The following SUMF1 variants were observed in gnomAD, a reference collection of about 807,000 sequenced individuals.
The protein encoded by SUMF1 is formylglycine-generating enzyme.
A neutral mutation model predicts 47.6 loss-of-function variants in SUMF1; 48 were observed. That is an observed-to-expected ratio of 1.01 (90% CI 0.80 to 1.28). SUMF1 has a LOEUF of 1.28. Ranked by LOEUF, SUMF1 falls within the 50% of genes most tolerant of loss-of-function variation. The pLI, the probability that SUMF1 is intolerant of heterozygous loss-of-function variation, is 0.00. For synonymous variants in SUMF1, 230 were observed against 192.1 expected (o/e 1.20, Z -1.63); for missense variants, 571 against 485.4 (o/e 1.18, Z -1.66).
chr3:4,149,969 A>G (rs911069175), intron 8 of SUMF1, among the ~76,000 whole-genome samples: 1 of 152,188 alleles, frequency 6.6e-6, no homozygotes, highest in Non-Finnish European at 1.5e-5. Context: ...TTTAAATTTT[A>G]GCCTCTGGAG....
At chr3:4,233,891 T>C (rs1696353596) in intron 8 of SUMF1, among the ~76,000 whole-genome samples, 1 of 152,138 alleles carries the variant, frequency 6.6e-6, no homozygotes, top group Admixed American at 6.6e-5. Flanking sequence ...TAAATATTCA[T>C]TTGTACCCAG....
In SUMF1 at chr3:4,158,490, T is replaced by A. The variant is rs375893913; in HGVS notation, c.1015-89745A>T. The stretch of plus-strand genomic sequence containing the variant: ...ATTTGTTCTATAAGTACAAATTAAG[T>A]ACAATGTTTTTGTTGATTTTCTGTC... On this transcript the variant is annotated intron_variant and NMD_transcript_variant, in intron 8 of 12. Coordinates refer to the SUMF1 transcript ENST00000448413. Among the ~76,000 whole-genome samples, 881 of 151,714 alleles carry A rather than the reference T, an allele frequency of 5.8e-3. 23 individuals carry two copies. The highest frequency in any genetic ancestry group is 0.031 in the Middle Eastern group (9 of 294).
Position 4,402,393 on chromosome 3 carries a change from A to G in SUMF1, c.954+8472T>C, listed in dbSNP as rs571581064. 7.9e-5 allele frequency among the ~76,000 whole-genome samples: 12 copies of G among 152,312 alleles called. No individual in the cohort carries two copies. The East Asian group carries it at 2.1e-3, about 27-fold the overall frequency. ...CCAAGGCTCTACCTCAATCATATCCATAACAAATCTTAGCATAGTGCATCT... is the reference window on the plus strand; with the variant it reads ...CCAAGGCTCTACCTCAATCATATCCGTAACAAATCTTAGCATAGTGCATCT... On this transcript the variant is annotated intron_variant, in intron 7 of 8. Coordinates refer to ENST00000272902, the MANE Select transcript of SUMF1 (RefSeq NM_182760.4).
chr3:4,254,917 T>C (rs1029114230), intron 8 of SUMF1, among the ~76,000 whole-genome samples: 2 of 152,164 alleles, frequency 1.3e-5, no homozygotes, highest in East Asian at 1.9e-4. Context: ...GCGGATCTCT[T>C]GGCAGAAACC....
intron 8 of SUMF1, among the ~76,000 whole-genome samples, chr3:4,121,372 T>C (rs1693536639): frequency 6.6e-6 from 1 of 152,166 alleles, no homozygotes; most frequent in Admixed American, 6.5e-5. Context: ...TTCCACGCAT[T>C]ATTCTTGGAT....
intron 8 of SUMF1, among the ~76,000 whole-genome samples, chr3:4,101,158 T>A (rs187544152): frequency 1.3e-5 from 2 of 151,366 alleles, no homozygotes; most frequent in East Asian, 3.9e-4. Context: ...CCCAGGGGAA[T>A]TGAAATCAGT....
intron 8 of SUMF1, among the ~76,000 whole-genome samples, chr3:4,148,730 T>C (rs201021065): frequency 6.6e-6 from 1 of 152,142 alleles, no homozygotes; most frequent in Non-Finnish European, 1.5e-5. Context: ...ATGGACCACA[T>C]TTGATCCACA....
chr3:4,192,947 G>A lies in SUMF1; in HGVS notation c.1015-124202C>T, dbSNP rs112842648. Reference sequence around the variant, plus strand: ...GACATGTAAGAACAATGTCTGCCACGTAAGAATATTTAATACACATTAGCT... The same window carrying A: ...GACATGTAAGAACAATGTCTGCCACATAAGAATATTTAATACACATTAGCT... On this transcript the variant is annotated intron_variant and NMD_transcript_variant, in intron 8 of 12. Transcript: ENST00000448413. Among the ~76,000 whole-genome samples, 68 of 152,252 alleles carry A rather than the reference G, an allele frequency of 4.5e-4. 4 individuals are homozygous for A. The highest frequency in any genetic ancestry group is 1.5e-3 in the African/African-American group (62 of 41,566).
chr3:4,310,899 A>T (rs143102780), intron 8 of SUMF1, among the ~76,000 whole-genome samples: 2 of 152,334 alleles, frequency 1.3e-5, no homozygotes, highest in African/African-American at 2.4e-5. Flanking sequence ...TTTTACAAGT[A>T]CTTTTTAAAA....
At chr3:4,164,791 A>G (rs994392286) in intron 8 of SUMF1, among the ~76,000 whole-genome samples, 5 of 152,102 alleles carry the variant, frequency 3.3e-5, no homozygotes, top group African/African-American at 9.7e-5. Flanking sequence ...CTTTCTCCTG[A>G]TATCTGTGCC....
intron 1 of SUMF1, among the ~76,000 whole-genome samples, chr3:4,455,833 T>A (rs1324175401): frequency 6.6e-6 from 1 of 152,140 alleles, no homozygotes; most frequent in Non-Finnish European, 1.5e-5. Context: ...AATTCTTCCA[T>A]AAAATTGAAG....
chr3:4,418,027 T>A lies in SUMF1; in HGVS notation c.708A>T (p.Arg236=). 1.9e-6 allele frequency: 3 copies of A among 1,614,014 alleles called. No homozygotes were observed. Among genetic ancestry groups the A allele is most frequent in the South Asian group, 1.1e-5 (1 of 91,066 alleles). Residue 236 remains arginine, a synonymous_variant, in exon 5 of 9, where the codon CGA becomes CGT. Transcript: ENST00000272902. The part of the protein sequence containing the change: ...PTEAEWEYSC[R]GGLHNRLFPW... ...CTAAATACCTATTATGCAGGCCTCC[T>A]CGACAGCTGTATTCCCACTCAGCTT...
intron 7 of SUMF1, among the ~76,000 whole-genome samples, chr3:4,383,158 C>A (rs180759047): frequency 2.0e-5 from 3 of 152,122 alleles, no homozygotes; most frequent in Admixed American, 6.5e-5. Context: ...GCAGACGGAT[C>A]ACTGGAGGTC....
intron 8 of SUMF1, among the ~76,000 whole-genome samples, chr3:4,251,630 T>C (rs1005971314): frequency 3.3e-5 from 5 of 152,188 alleles, no homozygotes; most frequent in African/African-American, 1.2e-4. Context: ...GTGACCTCCA[T>C]CCTGGTGAAT....
chr3:4,355,133 T>G (rs1158233965), intron 8 of SUMF1, among the ~76,000 whole-genome samples: 1 of 152,156 alleles, frequency 6.6e-6, no homozygotes, highest in Non-Finnish European at 1.5e-5. Context: ...GTGGATTGCT[T>G]GAGCCCTGGA....
chr3:4,190,863 G>A (rs1695300222), intron 8 of SUMF1, among the ~76,000 whole-genome samples: 1 of 152,022 alleles, frequency 6.6e-6, no homozygotes, highest in African/African-American at 2.4e-5. Flanking sequence ...ACATATTGAG[G>A]GTCTACTATG....
At chr3:4,244,187 C>T (rs1696608047) in intron 8 of SUMF1, among the ~76,000 whole-genome samples, 2 of 152,130 alleles carry the variant, frequency 1.3e-5, no homozygotes, top group South Asian at 4.1e-4. Flanking sequence ...CTGAATACTC[C>T]ACCAATGAGT....
At chr3:4,267,957 T>G (rs2125031799) in intron 8 of SUMF1, among the ~76,000 whole-genome samples, 1 of 149,696 alleles carries the variant, frequency 6.7e-6, no homozygotes, top group Middle Eastern at 3.4e-3. Context: ...TGTGGCACTA[T>G]TCACAATAGC....
intron 9 of SUMF1, among the ~76,000 whole-genome samples, chr3:4,066,521 C>G (rs1025326392): frequency 3.3e-5 from 5 of 152,022 alleles, no homozygotes; most frequent in Non-Finnish European, 7.4e-5. Context: ...GGAAATCGAC[C>G]CTCAGGCTTC....
Sources: gnomAD v4.1 joint callset for allele counts (sites outside exome capture counted in the v4.1 genomes callset) on GRCh38, gnomAD v4.1.1 for gene constraint, MANE v1.5 for transcripts, NCBI Gene and HGNC (gene_info 2026-07-23, HGNC 2026-07-21) for gene names.